The following ANGPTL1 variants were observed in gnomAD, a reference collection of about 807,000 sequenced individuals.
ANGPTL1 encodes angiopoietin like 1.
In ANGPTL1, 36 loss-of-function variants were observed where a neutral mutation model predicts 46.7. The ratio of observed to expected loss-of-function variants is 0.77; its 90% CI spans 0.59 to 1.02. The LOEUF is 1.02. ANGPTL1 is among the 50% of genes least tolerant of loss of function. The pLI, the probability that ANGPTL1 is intolerant of heterozygous loss-of-function variation, is 0.00. For synonymous variants in ANGPTL1, 221 were observed against 204.3 expected (o/e 1.08, Z -0.69); for missense variants, 571 against 594.7 (o/e 0.96, Z 0.41).
chr1:178,859,539 G>T (rs1197387396), intron 3 of ANGPTL1, among the ~76,000 whole-genome samples: 1 of 148,890 alleles, frequency 6.7e-6, no homozygotes, highest in Non-Finnish European at 1.5e-5. Flanking sequence ...AAGTAGCTGG[G>T]ATTACAGGCG....
chr1:178,869,071 T>A (rs1229250396), intron 2 of ANGPTL1, 43 bp downstream of exon 2: 1 of 152,090 alleles, frequency 6.6e-6, no homozygotes, highest in Non-Finnish European at 1.5e-5. Flanking sequence ...AAAATTTTCC[T>A]AGGCCCCAAG....
At position 178,852,185 on chromosome 1, in the gene ANGPTL1, G is replaced by A. The variant is rs190300759; in HGVS notation, c.1288+498C>T. On this transcript the variant is annotated intron_variant, in intron 5 of 5. Transcript: ENST00000234816. ...CTTTCTCACAGCAGATTTTCCTGGC[G>A]AACCCATATAAAATAGCTGCCATCC... Among the ~76,000 whole-genome samples the A allele has an allele frequency of 1.3e-3, 195 of 152,084 alleles. 2 individuals carry two copies. Among genetic ancestry groups the A allele is most frequent in the African/African-American group, 4.2e-3 (176 of 41,512 alleles).
chr1:178,859,825 C>G (rs554814630), intron 3 of ANGPTL1, among the ~76,000 whole-genome samples: 2,139 of 70,892 alleles, frequency 0.03, 226 homozygotes, highest in East Asian at 0.14. Context: ...TGCCCGCCCC[C>G]CCCCCCCCAA....
intron 3 of ANGPTL1, 71 bp from the exon 4 acceptor site, chr1:178,853,858 A>G (rs1191269345): frequency 1.9e-5 from 24 of 1,266,232 alleles, no homozygotes; most frequent in Non-Finnish European, 2.4e-5. Flanking sequence ...TTTTTAATCA[A>G]GATTTTTACC....
At position 178,864,990 on chromosome 1, in the gene ANGPTL1, G is replaced by T; in HGVS notation, c.787C>A (p.Pro263Thr). 1 of 1,469,520 alleles carries T rather than the reference G, an allele frequency of 6.8e-7. No individual in the cohort carries two copies. The allele number at this position is 1,469,520 out of a possible 1,614,324, so 91.0% of individuals were successfully genotyped here. A position where few individuals can be genotyped will look rare whatever the true frequency, so the allele number is the denominator to read the frequency against. ...AAAGTTACCGGTGGTATCTTGAAAG[G>T]GCTTTTGGTGGGAGAAGTTGCCAGA... ...PDLATSPTKS[P>T]FKIPPVTFIN... The change falls in exon 3 of 6, where the codon CCT becomes ACT. Residue 263 changes from proline (P) to threonine (T), a missense_variant. Pro to Thr is a conservative substitution (Grantham distance 38). Transcript: ENST00000234816.
rs1405756314 is a variant in ANGPTL1 at position 178,869,112 on chromosome 1, AC to A, written c.-27+1del. On this transcript the variant is annotated splice_donor_variant, in intron 2 of 5. Transcript: ENST00000234816. LOFTEE classifies it low-confidence loss of function (5UTR_SPLICE). ...GTTATAAATTAGTTATAGAATACTT[AC>A]GTTTAAATTTAAGTCTTTACTTAGT... 3 of 152,092 alleles carry A rather than the reference AC, an allele frequency of 2.0e-5. No homozygotes were observed. The highest frequency in any genetic ancestry group is 1.9e-4 in the East Asian group (1 of 5,198). The allele number at this position is 152,092 out of a possible 1,614,324, so 9.4% of individuals were successfully genotyped here.
Position 178,852,898 on chromosome 1 carries a change from A to G in ANGPTL1, c.1073T>C (p.Met358Thr). Residue 358 changes from methionine to threonine, a missense_variant, in exon 5 of 6, where the codon ATG becomes ACG. Physicochemically the swap from Met to Thr is moderately conservative, Grantham distance 81 (BLOSUM62 -1). Coordinates refer to ENST00000234816, the MANE Select transcript of ANGPTL1 (RefSeq NM_004673.4). ...EYWLGLENIY[M>T]LSNQDNYKLL... ...CTTGTAATTATCTTGATTGCTAAGC[A>G]TATAGATATTTTCCAGTCCAAGCCA... The G allele has an allele frequency of 6.2e-7, 1 of 1,613,798 alleles. No individual in the cohort carries two copies. Among genetic ancestry groups the G allele is most frequent in the Non-Finnish European group, 8.5e-7 (1 of 1,179,796 alleles).
chr1:178,856,202 G>GAGAGAGATATATAT (rs1428022812), intron 3 of ANGPTL1, among the ~76,000 whole-genome samples: 1 of 83,912 alleles, frequency 1.2e-5, no homozygotes, highest in African/African-American at 6.4e-5. Context: ...GAGAGAGAGA[G>GAGAGAGATATATAT]ATATATATAT....
In ANGPTL1 at chr1:178,850,921, T is replaced by C. The variant is rs1657131659; in HGVS notation, c.*208A>G. Reference sequence around the variant, plus strand: ...TAGTCAACATAATTTTTAAAATAACTAGGTTGTGGATACACATAATTTTCT... The same window carrying C: ...TAGTCAACATAATTTTTAAAATAACCAGGTTGTGGATACACATAATTTTCT... On this transcript the variant is annotated 3_prime_UTR_variant, in exon 6 of 6. Coordinates refer to ENST00000234816, the MANE Select transcript of ANGPTL1 (RefSeq NM_004673.4). 2 of 407,062 alleles carry C rather than the reference T, an allele frequency of 4.9e-6. No individual in the cohort carries two copies. The highest frequency in any genetic ancestry group is 2.1e-5 in the African/African-American group (1 of 48,650). 25.2% of individuals were successfully genotyped at this position (407,062 alleles called of 1,614,324 possible). A position where few individuals can be genotyped will look rare whatever the true frequency, so the allele number is the denominator to read the frequency against.
chr1:178,870,135 C>A (rs1658660211), intron 1 of ANGPTL1, among the ~76,000 whole-genome samples: 1 of 152,026 alleles, frequency 6.6e-6, no homozygotes, highest in African/African-American at 2.4e-5. Flanking sequence ...GCCTGGAAAG[C>A]TATTTAAAAT....
At chr1:178,860,480 A>G (rs1035995014) in intron 3 of ANGPTL1, among the ~76,000 whole-genome samples, 1 of 152,170 alleles carries the variant, frequency 6.6e-6, no homozygotes, top group Non-Finnish European at 1.5e-5. Context: ...CCATTTTTAA[A>G]TGTACAGTTT....
At position 178,852,886 on chromosome 1, in the gene ANGPTL1, T is replaced by C. The variant is rs766440885; in HGVS notation, c.1085A>G (p.Gln362Arg). 6.2e-6 allele frequency: 10 copies of C among 1,613,886 alleles called. No homozygotes were observed. In the East Asian group the frequency reaches 2.0e-4, roughly 32 times the overall value. ...GLENIYMLSN[Q>R]DNYKLLIELE... ...TTCAATCAATAACTTGTAATTATCTTGATTGCTAAGCATATAGATATTTTC... is the reference window on the plus strand; with the variant it reads ...TTCAATCAATAACTTGTAATTATCTCGATTGCTAAGCATATAGATATTTTC... Residue 362 changes from glutamine to arginine, a missense_variant, in exon 5 of 6, where the codon CAA (glutamine) becomes CGA (arginine). By Grantham distance (43) the Gln-to-Arg change is conservative (BLOSUM62 1). Transcript: ENST00000234816.
chr1:178,868,123 TTA>T (rs1003774192), intron 2 of ANGPTL1, among the ~76,000 whole-genome samples: 4 of 152,018 alleles, frequency 2.6e-5, no homozygotes, highest in Non-Finnish European at 5.9e-5. Flanking sequence ...TTTTAGCTTT[TTA>T]TGTTTTCATA....
Position 178,851,309 on chromosome 1 carries a change from GCAGTTTCCTTTGAGGAAAAAATA to G in ANGPTL1, c.1289-16_1295del. On this transcript the variant is annotated splice_acceptor_variant and splice_polypyrimidine_tract_variant and coding_sequence_variant and intron_variant, in exon 6 of 6. Transcript: ENST00000234816. LOFTEE classifies it high-confidence loss of function. ...ACCAGCCTCCTTTATGAAAGTGGGC[GCAGTTTCCTTTGAGGAAAAAATA>G]CAGATATAAATGTAAAAGTTTCTTC... 1 of 1,606,264 alleles carries G rather than the reference GCAGTTTCCTTTGAGGAAAAAATA, an allele frequency of 6.2e-7. No homozygotes were observed. Among genetic ancestry groups the G allele is most frequent in the Non-Finnish European group, 8.5e-7 (1 of 1,176,918 alleles).
rs1558152837 is a variant in ANGPTL1 at position 178,856,425 on chromosome 1, T to TTTTTTTTTTTTC, written c.824-2639_824-2638insGAAAAAAAAAAA. ...TTTTTTTTTTTTTTTTTTTTTTTTT[T>TTTTTTTTTTTTC]TGAGAGATGAGGTCTTGGTACATTG... On this transcript the variant is annotated intron_variant, in intron 3 of 5. Transcript: ENST00000234816. 4.7e-5 allele frequency among the ~76,000 whole-genome samples: 6 copies of TTTTTTTTTTTTC among 126,536 alleles called. No individual in the cohort carries two copies. In the East Asian group the frequency reaches 1.4e-3, roughly 29 times the overall value. 83.0% of individuals were successfully genotyped at this position (126,536 alleles called of 152,430 possible).
In ANGPTL1 at chr1:178,850,724, G is replaced by A. The variant is rs1657116448; in HGVS notation, c.*405C>T. 6.5e-6 allele frequency: 1 copy of A among 153,294 alleles called. No individual in the cohort carries two copies. The highest frequency in any genetic ancestry group is 2.1e-4 in the South Asian group (1 of 4,838). 9.5% of individuals were successfully genotyped at this position (153,294 alleles called of 1,614,324 possible). ...CTGTCTGTATTTTTATAAATAAAAT[G>A]CATTATTTGGCTGAAATTTTAAAAA... On this transcript the variant is annotated 3_prime_UTR_variant, in exon 6 of 6. Transcript: ENST00000234816.
rs1657126352 is a variant in ANGPTL1 at position 178,850,860 on chromosome 1, G to A, written c.*269C>T. 1 of 284,116 alleles carries A rather than the reference G, an allele frequency of 3.5e-6. No homozygotes were observed. Among genetic ancestry groups the A allele is most frequent in the Non-Finnish European group, 6.4e-6 (1 of 155,070 alleles). The allele number at this position is 284,116 out of a possible 1,614,324, so 17.6% of individuals were successfully genotyped here. On this transcript the variant is annotated 3_prime_UTR_variant, in exon 6 of 6. Coordinates refer to ENST00000234816, the MANE Select transcript of ANGPTL1 (RefSeq NM_004673.4). ...TAGCTAAGATTTGCTTTACATTGTG[G>A]CAAATATTTACATTTTAGAAAACAA...
In ANGPTL1 at chr1:178,850,422, CAT is replaced by C. The variant is rs1486065575; in HGVS notation, c.*705_*706del. 3 of 152,216 alleles carry C rather than the reference CAT, an allele frequency of 2.0e-5. No individual in the cohort carries two copies. Among genetic ancestry groups the C allele is most frequent in the African/African-American group, 7.2e-5 (3 of 41,400 alleles). 9.4% of individuals were successfully genotyped at this position (152,216 alleles called of 1,614,324 possible). ...CTGGAGATTTTGGTGTTCAGCATAT[CAT>C]ATGAAGATAACACTGAAAAATTCAT... On this transcript the variant is annotated 3_prime_UTR_variant, in exon 6 of 6. Coordinates refer to ENST00000234816, the MANE Select transcript of ANGPTL1 (RefSeq NM_004673.4).
At chr1:178,861,655 A>G (rs1373604661) in intron 3 of ANGPTL1, among the ~76,000 whole-genome samples, 1 of 152,236 alleles carries the variant, frequency 6.6e-6, no homozygotes, top group Non-Finnish European at 1.5e-5. Flanking sequence ...ACATAATTGT[A>G]TACCTCATCA....
Sources: gnomAD v4.1 joint callset for allele counts (sites outside exome capture counted in the v4.1 genomes callset) on GRCh38, gnomAD v4.1.1 for gene constraint, MANE v1.5 for transcripts, NCBI Gene and HGNC (gene_info 2026-07-23, HGNC 2026-07-21) for gene names.